Variants in ZBBX observed in about 807,000 individuals in gnomAD.
ZBBX encodes the protein zinc finger B-box domain containing, also known as zinc finger B-box domain-containing protein 1.
ZBBX carries 101 observed loss-of-function variants against 108.5 expected under a neutral mutation model. The ratio of observed to expected loss-of-function variants is 0.93; its 90% CI spans 0.79 to 1.10. The LOEUF (loss-of-function observed/expected upper bound fraction) is 1.10, where lower values mean the gene tolerates loss of function less well. ZBBX is among the 50% of genes least tolerant of loss of function. The probability of loss-of-function intolerance (pLI) is 0.00; values close to 1 mark genes in which losing one functional copy is unlikely to be tolerated. For synonymous variants in ZBBX, 356 were observed against 323.4 expected (o/e 1.10, Z -1.08); for missense variants, 1,009 against 941.4 (o/e 1.07, Z -0.94).
intron 10 of ZBBX, among the ~76,000 whole-genome samples, chr3:167,329,952 A>T (rs1738146000): frequency 6.6e-6 from 1 of 152,194 alleles, no homozygotes; most frequent in South Asian, 2.1e-4. Context: ...CAAATGCATA[A>T]TTTTTTATCT....
the ZBBX span, among the ~76,000 whole-genome samples, chr3:167,195,810 A>T: frequency 6.6e-6 from 1 of 152,224 alleles, no homozygotes. Context: ...TTCCTAGCAT[A>T]AACTAATCAA....
chr3:167,368,435 T>C (rs765350356), intron 5 of ZBBX, 26 bp downstream of exon 5: 24 of 1,524,404 alleles, frequency 1.6e-5, no homozygotes, highest in Non-Finnish European at 2.1e-5. Context: ...TTGATTCATC[T>C]AAAATTCTCT....
chr3:167,404,802 G>GA (rs1748533178), intron 1 of ZBBX, among the ~76,000 whole-genome samples: 1 of 152,132 alleles, frequency 6.6e-6, no homozygotes, highest in Non-Finnish European at 1.5e-5. Context: ...CCCTCTGGTG[G>GA]CATTGTCAAA....
At chr3:167,263,035 CTTTT>C (rs59613369) in intron 20 of ZBBX, among the ~76,000 whole-genome samples, 2 of 84,890 alleles carry the variant, frequency 2.4e-5, no homozygotes, top group Non-Finnish European at 4.6e-5. Flanking sequence ...TTTTCTAGTT[CTTTT>C]TTTTTTTTTT....
the ZBBX span, among the ~76,000 whole-genome samples, chr3:167,226,431 G>C: frequency 6.6e-6 from 1 of 151,736 alleles, no homozygotes; most frequent in African/African-American, 2.4e-5. Context: ...TTAATCTGTA[G>C]AGTTGTGAGA....
intron 12 of ZBBX, among the ~76,000 whole-genome samples, chr3:167,319,537 C>T (rs1414187568): frequency 2.0e-5 from 3 of 151,770 alleles, no homozygotes; most frequent in African/African-American, 7.3e-5. Context: ...GGGCTGAACC[C>T]AATGAAAGTC....
intron 20 of ZBBX, among the ~76,000 whole-genome samples, chr3:167,244,621 A>G (rs1175500739): frequency 1.3e-5 from 2 of 152,174 alleles, no homozygotes; most frequent in Non-Finnish European, 2.9e-5. Flanking sequence ...AGAGAAAAAT[A>G]AAACTGCTCA....
the ZBBX span, among the ~76,000 whole-genome samples, chr3:167,183,048 T>C: frequency 1.3e-5 from 2 of 152,280 alleles, no homozygotes; most frequent in South Asian, 4.1e-4. Context: ...CAGTGTTCTC[T>C]GGAAAAGAAA....
At chr3:167,352,301 A>T (rs1156591417) in intron 8 of ZBBX, among the ~76,000 whole-genome samples, 2 of 152,170 alleles carry the variant, frequency 1.3e-5, no homozygotes, top group Non-Finnish European at 2.9e-5. Context: ...GATAAAGGTG[A>T]CATTAAAACT....
At chr3:167,378,455 A>G (rs1333856558) in intron 2 of ZBBX, among the ~76,000 whole-genome samples, 2 of 152,222 alleles carry the variant, frequency 1.3e-5, no homozygotes, top group Non-Finnish European at 2.9e-5. Context: ...AATTCACTGG[A>G]TTTAAAGTCA....
chr3:167,294,909 A>T (rs1309633469), intron 18 of ZBBX, among the ~76,000 whole-genome samples: 1 of 152,228 alleles, frequency 6.6e-6, no homozygotes, highest in Non-Finnish European at 1.5e-5. Context: ...TCAAAAGAAG[A>T]CATTTATGCA....
chr3:167,245,135 C>T (rs77952263), intron 20 of ZBBX, among the ~76,000 whole-genome samples: 7,619 of 152,146 alleles, frequency 0.05, 532 homozygotes, highest in African/African-American at 0.15. Context: ...CAGTGTGGGC[C>T]GGGCGCGGTG....
chr3:167,183,612 G>C, the ZBBX span, among the ~76,000 whole-genome samples: 1 of 152,236 alleles, frequency 6.6e-6, no homozygotes, highest in South Asian at 2.1e-4. Flanking sequence ...TGTTCCTGTA[G>C]ATTATAATTT....
At chr3:167,295,734 T>C (rs1731547142) in intron 18 of ZBBX, among the ~76,000 whole-genome samples, 1 of 19,278 alleles carries the variant, frequency 5.2e-5, no homozygotes, top group Non-Finnish European at 9.4e-5. Flanking sequence ...TATATATATA[T>C]ATATATATAT....
At chr3:167,379,033 T>A (rs993586223) in intron 2 of ZBBX, among the ~76,000 whole-genome samples, 3 of 152,234 alleles carry the variant, frequency 2.0e-5, no homozygotes, top group Non-Finnish European at 4.4e-5. Flanking sequence ...ACAGTCCCTA[T>A]ACATAATGTA....
chr3:167,395,089 T>G (rs1393031302), intron 1 of ZBBX, among the ~76,000 whole-genome samples: 1 of 152,116 alleles, frequency 6.6e-6, no homozygotes, highest in African/African-American at 2.4e-5. Flanking sequence ...ATTTTCTCTT[T>G]TACTTTCTAA....
downstream of ZBBX, among the ~76,000 whole-genome samples, chr3:167,237,783 G>T (rs867675017): frequency 1.3e-5 from 2 of 151,838 alleles, no homozygotes; most frequent in Non-Finnish European, 2.9e-5. Flanking sequence ...TTTTATCTCA[G>T]ATTTGGCCAG....
chr3:167,333,704 C>G, intron 10 of ZBBX, 123 bp downstream of exon 10: 1 of 872,324 alleles, frequency 1.1e-6, no homozygotes, highest in East Asian at 2.7e-5. Context: ...AAGAACAAAT[C>G]CATATGAAAT....
chr3:167,320,220 A>G (rs907546326), intron 12 of ZBBX, among the ~76,000 whole-genome samples: 2 of 148,670 alleles, frequency 1.3e-5, no homozygotes, highest in Admixed American at 6.8e-5. Flanking sequence ...CAGAAAAAAA[A>G]GAGATGTTCA....
Sources: gnomAD v4.1 joint callset for allele counts (sites outside exome capture counted in the v4.1 genomes callset) on GRCh38, gnomAD v4.1.1 for gene constraint, MANE v1.5 for transcripts, NCBI Gene and HGNC (gene_info 2026-07-23, HGNC 2026-07-21) for gene names.